MND1: variants seen among roughly 807,000 people sequenced by gnomAD.
MND1 encodes the protein meiotic nuclear divisions 1, also known as meiotic nuclear division protein 1 homolog.
A neutral mutation model predicts 35.1 loss-of-function variants in MND1; 28 were observed. The ratio of observed to expected loss-of-function variants is 0.80; its 90% CI spans 0.59 to 1.09. MND1 has a LOEUF of 1.09. Ranked by LOEUF, MND1 falls within the 50% of genes least tolerant of loss-of-function variation. The pLI, the probability that MND1 is intolerant of heterozygous loss-of-function variation, is 0.00. For synonymous variants in MND1, 69 were observed against 70.5 expected (o/e 0.98, Z 0.11); for missense variants, 213 against 239.6 (o/e 0.89, Z 0.73).
intron 1 of MND1, chr4:153,345,241 C>A: frequency 8.3e-6 from 6 of 722,750 alleles, no homozygotes; most frequent in Non-Finnish European, 1.0e-5. Context: ...GATCCCAAAG[C>A]GCACTCCTGG....
intron 6 of MND1, among the ~76,000 whole-genome samples, chr4:153,398,817 C>T (rs981159048): frequency 1.3e-5 from 2 of 152,184 alleles, no homozygotes; most frequent in Admixed American, 1.3e-4. Flanking sequence ...ACCAGGTGAT[C>T]CTCAGTGAGC....
chr4:153,344,844 C>T, intron 1 of MND1, 104 bp downstream of exon 1: 5 of 1,512,434 alleles, frequency 3.3e-6, no homozygotes, highest in Middle Eastern at 1.7e-4. Context: ...ACCGCCATTC[C>T]GGGCCGCGGG....
intron 1 of MND1, chr4:153,345,231 G>C (rs944640800): frequency 1.5e-6 from 1 of 647,598 alleles, no homozygotes; most frequent in Non-Finnish European, 1.9e-6. Context: ...CGAACGTCTT[G>C]ATCCCAAAGC....
intron 6 of MND1, among the ~76,000 whole-genome samples, chr4:153,407,230 G>A (rs1023249148): frequency 3.3e-5 from 5 of 152,164 alleles, no homozygotes; most frequent in African/African-American, 1.2e-4. Context: ...TTGGGAGGCC[G>A]AGGCAGGCGG....
intron 4 of MND1, among the ~76,000 whole-genome samples, chr4:153,378,918 C>T (rs955391239): frequency 6.6e-6 from 1 of 152,178 alleles, no homozygotes; most frequent in African/African-American, 2.4e-5. Flanking sequence ...ATAGATTAAA[C>T]ATCTGTTCTC....
intron 6 of MND1, among the ~76,000 whole-genome samples, chr4:153,402,262 CCAGATAAAA>C (rs1318560752): frequency 1.3e-5 from 2 of 152,100 alleles, no homozygotes; most frequent in Non-Finnish European, 2.9e-5. Flanking sequence ...TCAAATGTGA[CCAGATAAAA>C]CATGTTAGTA....
chr4:153,345,236 C>A, intron 1 of MND1: 1 of 712,702 alleles, frequency 1.4e-6, no homozygotes, highest in Non-Finnish European at 1.7e-6. Flanking sequence ...GTCTTGATCC[C>A]AAAGCGCACT....
intron 1 of MND1, among the ~76,000 whole-genome samples, chr4:153,346,917 G>C (rs908934491): frequency 6.6e-6 from 1 of 152,158 alleles, no homozygotes; most frequent in African/African-American, 2.4e-5. Context: ...CCATTGCCCC[G>C]CAGCGCCCTT....
chr4:153,350,742 G>T (rs1489040450), intron 2 of MND1, among the ~76,000 whole-genome samples: 3 of 152,076 alleles, frequency 2.0e-5, no homozygotes, highest in Non-Finnish European at 4.4e-5. Flanking sequence ...TTACTGGAAG[G>T]CTTTTCTATG....
intron 4 of MND1, among the ~76,000 whole-genome samples, chr4:153,385,545 G>A (rs1456170756): frequency 6.6e-6 from 1 of 151,704 alleles, no homozygotes; most frequent in Non-Finnish European, 1.5e-5. Context: ...GTAAAACACT[G>A]CCTCTACGAA....
chr4:153,356,936 C>T (rs1479396377), intron 3 of MND1, among the ~76,000 whole-genome samples: 1 of 152,108 alleles, frequency 6.6e-6, no homozygotes, highest in African/African-American at 2.4e-5. Flanking sequence ...GATTCTCCTG[C>T]CTCAGCCTCA....
chr4:153,382,080 A>G (rs1736491599), intron 4 of MND1: 1 of 152,070 alleles, frequency 6.6e-6, no homozygotes, highest in South Asian at 2.1e-4. Context: ...TTTAAAGTCT[A>G]GCTCTTACTT....
In MND1 at chr4:153,409,572, A is replaced by G. The variant is rs545392501; in HGVS notation, c.511+557A>G. Among the ~76,000 whole-genome samples the G allele has an allele frequency of 2.4e-4, 37 of 152,298 alleles. No homozygotes were observed. The South Asian group carries it at 5.2e-3, about 21-fold the overall frequency. ...ACAGCAGAACAGGAATTATAATCCA[A>G]CTTTTCTGGCTGGACTTAAAATGAC... On this transcript the variant is annotated intron_variant, in intron 7 of 7. Coordinates refer to ENST00000240488, the MANE Select transcript of MND1 (RefSeq NM_032117.4).
intron 4 of MND1, among the ~76,000 whole-genome samples, chr4:153,359,087 T>G (rs1371357102): frequency 1.3e-5 from 2 of 152,206 alleles, no homozygotes; most frequent in Non-Finnish European, 2.9e-5. Flanking sequence ...TCAGTCTTGG[T>G]GTTATACATT....
intron 2 of MND1, among the ~76,000 whole-genome samples, chr4:153,350,929 T>C (rs1773198008): frequency 6.8e-6 from 1 of 146,562 alleles, no homozygotes; most frequent in South Asian, 2.2e-4. Context: ...AAATCCCTTT[T>C]CACTTTAAGG....
chr4:153,367,970 T>G (rs913911026), intron 4 of MND1, among the ~76,000 whole-genome samples: 1 of 152,228 alleles, frequency 6.6e-6, no homozygotes, highest in African/African-American at 2.4e-5. Flanking sequence ...CTTGGCCATT[T>G]GTATATCTTC....
chr4:153,350,951 T>TA (rs567868452), intron 2 of MND1, among the ~76,000 whole-genome samples: 26,208 of 123,282 alleles, frequency 0.21, 2,755 homozygotes, highest in African/African-American at 0.28. Context: ...AGATTCTTAG[T>TA]AAAAAAAAAA....
intron 7 of MND1, among the ~76,000 whole-genome samples, chr4:153,410,625 T>C (rs1394685115): frequency 3.3e-5 from 5 of 152,210 alleles, no homozygotes; most frequent in Non-Finnish European, 7.3e-5. Context: ...ACTTATCATA[T>C]AGCTTTTAAA....
At chr4:153,352,053 A>G (rs1773228149) in intron 2 of MND1, among the ~76,000 whole-genome samples, 1 of 152,204 alleles carries the variant, frequency 6.6e-6, no homozygotes, top group Non-Finnish European at 1.5e-5. Flanking sequence ...AAACACAGTC[A>G]TTGGTAATAA....
Sources: gnomAD v4.1 joint callset for allele counts (sites outside exome capture counted in the v4.1 genomes callset) on GRCh38, gnomAD v4.1.1 for gene constraint, MANE v1.5 for transcripts, NCBI Gene and HGNC (gene_info 2026-07-23, HGNC 2026-07-21) for gene names.